EFCAB14: variants seen among roughly 807,000 people sequenced by gnomAD.
EFCAB14 encodes the protein EF-hand calcium binding domain 14, also known as EF-hand calcium-binding domain-containing protein 14.
EFCAB14 carries 43 observed loss-of-function variants against 56.5 expected under a neutral mutation model. That is an observed-to-expected ratio of 0.76 (90% CI 0.60 to 0.98). The LOEUF is 0.98. Ranked by LOEUF, EFCAB14 falls within the 50% of genes least tolerant of loss-of-function variation. The pLI is 0.00. For missense variants in EFCAB14, 538 were observed against 580.3 expected (o/e 0.93, Z 0.75); for synonymous variants, 235 against 212.9 (o/e 1.10, Z -0.90).
At chr1:46,686,061 T>C (rs1676875823) in intron 8 of EFCAB14, among the ~76,000 whole-genome samples, 1 of 152,204 alleles carries the variant, frequency 6.6e-6, no homozygotes, top group Admixed American at 6.5e-5. Context: ...TAATATGCAT[T>C]TGAGATGGTA....
chr1:46,705,693 C>T (rs965462117), intron 3 of EFCAB14, among the ~76,000 whole-genome samples: 5 of 152,082 alleles, frequency 3.3e-5, no homozygotes, highest in African/African-American at 9.7e-5. Flanking sequence ...ACTCATGACC[C>T]GATCCTGCGC....
At chr1:46,714,511 G>A (rs1191189118) in intron 2 of EFCAB14, among the ~76,000 whole-genome samples, 2 of 151,950 alleles carry the variant, frequency 1.3e-5, no homozygotes, top group African/African-American at 2.4e-5. Context: ...AGTAATTTGG[G>A]CCGAGCACAA....
Position 46,691,907 on chromosome 1 carries a change from T to C in EFCAB14, c.610A>G (p.Ser204Gly), listed in dbSNP as rs1317451031. Reference sequence around the variant, plus strand: ...AGTGCTTCCACAGCAAGATGGACGCTGTTTAAAGTATTGCCAATGGAAGCT... The same window carrying C: ...AGTGCTTCCACAGCAAGATGGACGCCGTTTAAAGTATTGCCAATGGAAGCT... Reference protein sequence around the residue: ...SVASIGNTLNSVHLAVEALQK... With the variant: ...SVASIGNTLNGVHLAVEALQK... Residue 204 changes from serine to glycine, a missense_variant, in exon 5 of 11, where the codon AGC (serine) becomes GGC (glycine). Physicochemically the swap from Ser to Gly is moderately conservative, Grantham distance 56. Coordinates refer to ENST00000371933, the MANE Select transcript of EFCAB14 (RefSeq NM_014774.3). The C allele has an allele frequency of 3.1e-6, 5 of 1,613,516 alleles. No homozygotes were observed. The highest frequency in any genetic ancestry group is 4.2e-6 in the Non-Finnish European group (5 of 1,179,704).
chr1:46,705,186 C>T (rs1677216709), intron 3 of EFCAB14, among the ~76,000 whole-genome samples: 1 of 152,202 alleles, frequency 6.6e-6, no homozygotes, highest in Non-Finnish European at 1.5e-5. Flanking sequence ...TGCTGAGCTC[C>T]CTTAGGAAAC....
At chr1:46,701,008 T>TGTGTGTGC (rs1480057689) in intron 3 of EFCAB14, among the ~76,000 whole-genome samples, 1 of 151,918 alleles carries the variant, frequency 6.6e-6, no homozygotes, top group African/African-American at 2.4e-5. Flanking sequence ...TGTGTGTGTG[T>TGTGTGTGC]GTGCATGTGA....
intron 3 of EFCAB14, among the ~76,000 whole-genome samples, chr1:46,705,992 G>C (rs1384758909): frequency 1.3e-5 from 2 of 151,910 alleles, no homozygotes; most frequent in Non-Finnish European, 2.9e-5. Flanking sequence ...AGACTCCTCA[G>C]TTACTGGGAC....
At chr1:46,707,485 T>C (rs572036035) in intron 3 of EFCAB14, among the ~76,000 whole-genome samples, 1 of 152,310 alleles carries the variant, frequency 6.6e-6, no homozygotes, top group South Asian at 2.1e-4. Context: ...TAAGCTATTC[T>C]TAGAATGACT....
At position 46,718,000 on chromosome 1, in the gene EFCAB14, G is replaced by T; in HGVS notation, c.88C>A (p.Arg30Ser). The T allele has an allele frequency of 6.2e-7, 1 of 1,614,118 alleles. No individual in the cohort carries two copies. Among genetic ancestry groups the T allele is most frequent in the Non-Finnish European group, 8.5e-7 (1 of 1,179,986 alleles). Residue 30 changes from arginine (R) to serine (S), a missense_variant, in exon 1 of 11, where the codon CGC becomes AGC. Arg to Ser is a moderately radical substitution (Grantham distance 110). Coordinates refer to ENST00000371933, the MANE Select transcript of EFCAB14 (RefSeq NM_014774.3). ...KKPKKGPSSHRLLRTEPPDSD... is the reference protein window; with the variant it reads ...KKPKKGPSSHSLLRTEPPDSD... ...TCGGGAGGCTCAGTGCGAAGCAGGC[G>T]GTGACTGCTTGGGCCTTTCTTGGGC...
intron 4 of EFCAB14, among the ~76,000 whole-genome samples, chr1:46,696,163 A>C (rs1677075791): frequency 6.6e-6 from 1 of 151,564 alleles, no homozygotes; most frequent in Admixed American, 6.6e-5. Context: ...ATTTAGGGTA[A>C]CTATCATGTA....
intron 9 of EFCAB14, chr1:46,684,259 T>C (rs1676842494): frequency 2.0e-6 from 1 of 501,208 alleles, no homozygotes; most frequent in East Asian, 3.3e-5. Context: ...GCATGGAGAA[T>C]TCTATTTCCA....
At chr1:46,700,993 G>GTGTA (rs1677147683) in intron 3 of EFCAB14, among the ~76,000 whole-genome samples, 1 of 151,822 alleles carries the variant, frequency 6.6e-6, no homozygotes, top group Non-Finnish European at 1.5e-5. Flanking sequence ...GTGAGTGTGT[G>GTGTA]TGTGTGTGTG....
rs76534892 is a variant in EFCAB14, at chr1:46,714,325, T to A, written c.334+1970A>T. 6.3e-3 allele frequency among the ~76,000 whole-genome samples: 956 copies of A among 152,112 alleles called. 10 individuals carry two copies. The highest frequency in any genetic ancestry group is 0.022 in the African/African-American group (915 of 41,492). On this transcript the variant is annotated intron_variant, in intron 2 of 10. Coordinates refer to ENST00000371933, the MANE Select transcript of EFCAB14 (RefSeq NM_014774.3). ...GAAAGCCTTGTGGTCAGTTTCCTGGTGTGCTCATGCTATTAAGGTTAGGGT... is the reference window on the plus strand; with the variant it reads ...GAAAGCCTTGTGGTCAGTTTCCTGGAGTGCTCATGCTATTAAGGTTAGGGT...
In EFCAB14 at chr1:46,716,305, T is replaced by A. The variant is rs1360466054; in HGVS notation, c.324A>T (p.Lys108Asn). 6 of 1,603,558 alleles carry A rather than the reference T, an allele frequency of 3.7e-6. No homozygotes were observed. Among genetic ancestry groups the A allele is most frequent in the Non-Finnish European group, 5.1e-6 (6 of 1,176,336 alleles). The part of the protein sequence containing the change: ...LKEDLDALKE[K>N]FRTMESNQKS... ...TAACCACTTACTTACTTGTTCGAAA[T>A]TTTTCCTTGAGGGCATCCAGATCCT... Residue 108 changes from lysine (K) to asparagine (N), a missense_variant, in exon 2 of 11, where the codon AAA becomes AAT. Lys to Asn is a moderately conservative substitution (Grantham distance 94). Transcript: ENST00000371933.
rs1677395506 is a variant in EFCAB14, at chr1:46,716,436, A to G, written c.193T>C (p.Tyr65His). 1 of 1,613,948 alleles carries G rather than the reference A, an allele frequency of 6.2e-7. No individual in the cohort carries two copies. Among genetic ancestry groups the G allele is most frequent in the Non-Finnish European group, 8.5e-7 (1 of 1,180,014 alleles). ...GNRSRFAKGD[Y>H]LRCCKICYPL... is the part of the protein sequence containing the mutation. ...TAACAGATCTTGCAGCATCGTAAAT[A>G]GTCTCCCCTGCTCAAGAGGACAAAT... is the stretch of plus-strand genomic sequence containing the variant. Residue 65 changes from tyrosine (Y) to histidine (H), a missense_variant, in exon 2 of 11, where the codon TAT (tyrosine) becomes CAT (histidine). By Grantham distance (83) the Tyr-to-His change is moderately conservative. Coordinates refer to ENST00000371933, the MANE Select transcript of EFCAB14 (RefSeq NM_014774.3).
rs766464320 is a variant in EFCAB14 at position 46,716,435 on chromosome 1, T to C, written c.194A>G (p.Tyr65Cys). ...ATAACAGATCTTGCAGCATCGTAAA[T>C]AGTCTCCCCTGCTCAAGAGGACAAA... Reference protein sequence around the residue: ...GNRSRFAKGDYLRCCKICYPL... With the variant: ...GNRSRFAKGDCLRCCKICYPL... The change falls in exon 2 of 11, where the codon TAT (tyrosine) becomes TGT (cysteine). Residue 65 changes from tyrosine (Y) to cysteine (C), a missense_variant. Coordinates refer to ENST00000371933, the MANE Select transcript of EFCAB14 (RefSeq NM_014774.3). 1.7e-5 allele frequency: 28 copies of C among 1,613,958 alleles called. No individual in the cohort carries two copies. The highest frequency in any genetic ancestry group is 9.9e-5 in the South Asian group (9 of 91,056).
intron 2 of EFCAB14, among the ~76,000 whole-genome samples, chr1:46,713,023 C>G (rs1288364188): frequency 6.6e-6 from 1 of 151,632 alleles, no homozygotes; most frequent in Non-Finnish European, 1.5e-5. Flanking sequence ...TCAAAAACAA[C>G]CAACCAACCA....
intron 2 of EFCAB14, among the ~76,000 whole-genome samples, chr1:46,710,158 T>C (rs1677288060): frequency 6.6e-6 from 1 of 152,214 alleles, no homozygotes; most frequent in African/African-American, 2.4e-5. Context: ...TCCAAAAATG[T>C]TTGCCAAAGG....
At chr1:46,691,595 G>A (rs1233863559) in intron 5 of EFCAB14, among the ~76,000 whole-genome samples, 1 of 152,138 alleles carries the variant, frequency 6.6e-6, no homozygotes, top group African/African-American at 2.4e-5. Flanking sequence ...CTCAGGAACT[G>A]TGTCTTATTA....
intron 10 of EFCAB14, 125 bp from the exon 11 acceptor site, chr1:46,678,761 G>A (rs1387266990): frequency 8.1e-6 from 6 of 742,780 alleles, no homozygotes; most frequent in South Asian, 4.7e-5. Context: ...TTTCCAAATG[G>A]TAAAGTTTAG....
Sources: allele counts gnomAD v4.1 joint callset (sites outside exome capture counted in the v4.1 genomes callset), GRCh38; gene constraint gnomAD v4.1.1; transcripts MANE v1.5; gene names NCBI Gene and HGNC (gene_info 2026-07-23, HGNC 2026-07-21).